Variants in DIAPH3 observed in about 807,000 individuals in gnomAD.
The protein encoded by DIAPH3 is diaphanous related formin 3, also known as protein diaphanous homolog 3.
A neutral mutation model predicts 144.3 loss-of-function variants in DIAPH3; 117 were observed. The ratio of observed to expected loss-of-function variants is 0.81; its 90% CI spans 0.70 to 0.95. The LOEUF (loss-of-function observed/expected upper bound fraction) is 0.95, where lower values mean the gene tolerates loss of function less well. Among genes scored for constraint, DIAPH3 ranks in the 40% least tolerant of loss-of-function variants. The pLI, the probability that DIAPH3 is intolerant of heterozygous loss-of-function variation, is 0.00. For synonymous variants in DIAPH3, 519 were observed against 488.9 expected (o/e 1.06, Z -0.81); for missense variants, 1,421 against 1,412.7 (o/e 1.01, Z -0.09).
At chr13:59,828,506 A>G (rs2041583744) in intron 24 of DIAPH3, among the ~76,000 whole-genome samples, 1 of 151,812 alleles carries the variant, frequency 6.6e-6, no homozygotes. Context: ...TGAAGCTGTT[A>G]AAGAACAGGC....
rs530778499 is a variant in DIAPH3 at position 59,893,152 on chromosome 13, C to T, written c.2368-13684G>A. On this transcript the variant is annotated intron_variant, in intron 20 of 27. Transcript: ENST00000400324. The stretch of plus-strand genomic sequence containing the variant: ...CAAAAATACATATGGTATGATGAAC[C>T]GCCATAGCATCAGCATCTCTAACAT... 4.6e-5 allele frequency among the ~76,000 whole-genome samples: 7 copies of T among 152,032 alleles called. No homozygotes were observed. The South Asian group carries it at 6.2e-4, about 14-fold the overall frequency.
At chr13:59,937,065 A>C (rs2048302834) in intron 17 of DIAPH3, among the ~76,000 whole-genome samples, 1 of 151,836 alleles carries the variant, frequency 6.6e-6, no homozygotes, top group Admixed American at 6.6e-5. Flanking sequence ...CGGGAGGCTG[A>C]GGCAGGAGAA....
Position 59,974,435 on chromosome 13 carries a change from G to T in DIAPH3, c.1567C>A (p.His523Asn). The T allele has an allele frequency of 6.2e-7, 1 of 1,610,702 alleles. No individual in the cohort carries two copies. Residue 523 changes from histidine (H) to asparagine (N), a missense_variant, in exon 15 of 28, where the codon CAC becomes AAC. By Grantham distance (68) the His-to-Asn change is moderately conservative (BLOSUM62 1). Coordinates refer to ENST00000400324, the MANE Select transcript of DIAPH3 (RefSeq NM_001042517.2). ...TGCAATTCAGCCTGAGTTTCTTGGT[G>T]GTCGGTAAACTCTTTTTCAAACTGA... ...YKKFEKEFTD[H>N]QETQAELQKK...
intron 20 of DIAPH3, among the ~76,000 whole-genome samples, chr13:59,907,607 T>C (rs1333395946): frequency 6.6e-6 from 1 of 152,162 alleles, no homozygotes. Context: ...TACGACCACA[T>C]GTTACCAGCA....
intron 3 of DIAPH3, among the ~76,000 whole-genome samples, chr13:60,111,600 A>T (rs1358521881): frequency 6.6e-6 from 1 of 152,164 alleles, no homozygotes; most frequent in Non-Finnish European, 1.5e-5. Flanking sequence ...GCTTCTTATG[A>T]GCATCTAACT....
In DIAPH3 at chr13:59,984,640, A is replaced by G. The variant is rs369439424; in HGVS notation, c.1362-753T>C. On this transcript the variant is annotated intron_variant, in intron 12 of 27. Coordinates refer to ENST00000400324, the MANE Select transcript of DIAPH3 (RefSeq NM_001042517.2). ...CACAATAAAAAATGATAAAGGGGAT[A>G]TCACCACTGATCCCACAGAAATACA... Among the ~76,000 whole-genome samples, 248 of 149,528 alleles carry G rather than the reference A, an allele frequency of 1.7e-3. 7 individuals are homozygous for G. The East Asian group carries it at 0.032, about 19-fold the overall frequency.
intron 27 of DIAPH3, among the ~76,000 whole-genome samples, chr13:59,763,513 C>CAA (rs1566276009): frequency 6.6e-6 from 1 of 151,694 alleles, no homozygotes; most frequent in South Asian, 2.1e-4. Flanking sequence ...TCTGTCTTCA[C>CAA]AAAAAATAAA....
At chr13:60,162,497 C>T (rs1029832812) in intron 1 of DIAPH3, among the ~76,000 whole-genome samples, 5 of 152,144 alleles carry the variant, frequency 3.3e-5, no homozygotes, top group African/African-American at 1.2e-4. Flanking sequence ...CAAGTCCATA[C>T]TTGATCCTTC....
chr13:60,029,052 C>T (rs1050681227), intron 5 of DIAPH3, among the ~76,000 whole-genome samples: 4 of 79,456 alleles, frequency 5.0e-5, no homozygotes, highest in African/African-American at 1.1e-4. Flanking sequence ...AGCAAGACTC[C>T]GTCTCAAAAA....
chr13:60,032,447 A>G (rs1248792622), intron 5 of DIAPH3, among the ~76,000 whole-genome samples: 1 of 152,208 alleles, frequency 6.6e-6, no homozygotes, highest in Non-Finnish European at 1.5e-5. Context: ...GGCGGAGGCT[A>G]CCAAACCTCA....
chr13:59,950,604 T>C (rs1029877987), intron 17 of DIAPH3, among the ~76,000 whole-genome samples: 3 of 152,258 alleles, frequency 2.0e-5, no homozygotes, highest in East Asian at 1.9e-4. Flanking sequence ...TGAGAAGTCA[T>C]AGAAATCATT....
At chr13:60,090,761 T>C (rs1413324779) in intron 4 of DIAPH3, among the ~76,000 whole-genome samples, 1 of 152,212 alleles carries the variant, frequency 6.6e-6, no homozygotes, top group Admixed American at 6.5e-5. Context: ...TTGAACTTTC[T>C]AGAATGTTAA....
At chr13:59,955,276 A>T (rs934498371) in intron 17 of DIAPH3, among the ~76,000 whole-genome samples, 1 of 151,962 alleles carries the variant, frequency 6.6e-6, no homozygotes, top group African/African-American at 2.4e-5. Context: ...ACCCAGTGGG[A>T]GGTAATCGAA....
chr13:59,942,627 T>A (rs781494048), intron 17 of DIAPH3, among the ~76,000 whole-genome samples: 5 of 152,184 alleles, frequency 3.3e-5, no homozygotes, highest in African/African-American at 1.2e-4. Context: ...AGGAAACTAT[T>A]GAAATGATAG....
At chr13:59,980,244 A>T (rs972885286) in intron 14 of DIAPH3, among the ~76,000 whole-genome samples, 4 of 151,668 alleles carry the variant, frequency 2.6e-5, no homozygotes, top group South Asian at 4.1e-4. Flanking sequence ...TATAAAGTTC[A>T]ACTTAATATA....
intron 22 of DIAPH3, 132 bp from the exon 23 acceptor site, chr13:59,839,580 A>T (rs955061024): frequency 5.7e-6 from 5 of 881,106 alleles, no homozygotes; most frequent in Admixed American, 6.8e-5. Flanking sequence ...AATAAAAATA[A>T]ATTTCACTTT....
intron 4 of DIAPH3, among the ~76,000 whole-genome samples, chr13:60,063,547 T>C (rs900076670): frequency 6.6e-6 from 1 of 152,208 alleles, no homozygotes; most frequent in African/African-American, 2.4e-5. Context: ...CCTTGAGAAA[T>C]GTATTTCTTT....
chr13:60,107,157 T>C (rs1196930816), intron 3 of DIAPH3, among the ~76,000 whole-genome samples: 1 of 152,052 alleles, frequency 6.6e-6, no homozygotes, highest in Non-Finnish European at 1.5e-5. Flanking sequence ...GTGGAAAACA[T>C]ACACTGAAGT....
At position 59,684,874 on chromosome 13, in the gene DIAPH3, G is replaced by A. The variant is rs115414620; in HGVS notation, c.3320-18028C>T. On this transcript the variant is annotated intron_variant, in intron 27 of 27. Coordinates refer to ENST00000400324, the MANE Select transcript of DIAPH3 (RefSeq NM_001042517.2). ...TACACATAGTATCGTTAAATTCCTG[G>A]TTACAATGATAAATCCTATGATGTG... is the stretch of plus-strand genomic sequence containing the variant. Among the ~76,000 whole-genome samples the A allele has an allele frequency of 1.5e-3, 234 of 152,196 alleles. 2 individuals are homozygous for A. Among genetic ancestry groups the A allele is most frequent in the African/African-American group, 5.4e-3 (226 of 41,544 alleles).
Sources: gnomAD v4.1 joint callset for allele counts (sites outside exome capture counted in the v4.1 genomes callset) on GRCh38, gnomAD v4.1.1 for gene constraint, MANE v1.5 for transcripts, NCBI Gene and HGNC (gene_info 2026-07-23, HGNC 2026-07-21) for gene names.